The following IL1RAPL1 variants were observed in gnomAD, a reference collection of about 807,000 sequenced individuals.
IL1RAPL1 encodes the protein interleukin-1 receptor accessory protein-like 1.
A neutral mutation model predicts 48.4 loss-of-function variants in IL1RAPL1; 3 were observed. The observed-to-expected ratio is 0.06, with a 90% CI of 0.03 to 0.16. The LOEUF (loss-of-function observed/expected upper bound fraction) is 0.16, where lower values mean the gene tolerates loss of function less well. Among genes scored for constraint, IL1RAPL1 ranks in the 10% least tolerant of loss-of-function variants. The pLI is 1.00. For synonymous variants in IL1RAPL1, 185 were observed against 187.7 expected (o/e 0.99, Z 0.12); for missense variants, 349 against 530.6 (o/e 0.66, Z 3.36).
At chrX:28,648,590 C>T (rs772302864) in intron 1 of IL1RAPL1, among the ~76,000 whole-genome samples, 6 of 111,618 alleles carry the variant, frequency 5.4e-5, no homozygotes, top group Middle Eastern at 4.7e-3. Context: ...AAGGCAAGGT[C>T]GGGATTTATT....
intron 6 of IL1RAPL1, among the ~76,000 whole-genome samples, chrX:29,728,743 AAAC>A (rs1250714029): frequency 1.8e-5 from 2 of 112,476 alleles, no homozygotes; most frequent in Non-Finnish European, 3.8e-5. Context: ...TAGTGACTTG[AAAC>A]AACATGTTAT....
intron 2 of IL1RAPL1, among the ~76,000 whole-genome samples, chrX:29,252,224 C>A (rs1373615168): frequency 9.0e-6 from 1 of 111,129 alleles, no homozygotes; most frequent in African/African-American, 3.4e-5. Flanking sequence ...ATGTAACTAA[C>A]CTGCACATTG....
At chrX:29,053,656 A>G (rs1209723479) in intron 2 of IL1RAPL1, among the ~76,000 whole-genome samples, 1 of 111,985 alleles carries the variant, frequency 8.9e-6, no homozygotes, top group African/African-American at 3.2e-5. Context: ...TCCTCTGTCC[A>G]GAATGGTATT....
At chrX:28,964,404 A>G (rs745753053) in intron 2 of IL1RAPL1, among the ~76,000 whole-genome samples, 7 of 111,677 alleles carry the variant, frequency 6.3e-5, no homozygotes, top group Non-Finnish European at 1.3e-4. Flanking sequence ...CATACGATGG[A>G]TATATTTTCC....
intron 2 of IL1RAPL1, among the ~76,000 whole-genome samples, chrX:29,104,064 G>A (rs974175818): frequency 9.0e-6 from 1 of 111,619 alleles, no homozygotes; most frequent in African/African-American, 3.3e-5. Flanking sequence ...ATAGTTTTGT[G>A]GTTCCTCGAA....
At chrX:29,502,573 T>G (rs1420554763) in intron 5 of IL1RAPL1, among the ~76,000 whole-genome samples, 1 of 111,851 alleles carries the variant, frequency 8.9e-6, no homozygotes, top group Non-Finnish European at 1.9e-5. Flanking sequence ...TCTATTGAAA[T>G]GATCATGTGG....
At chrX:29,722,880 C>T (rs1217521626) in intron 6 of IL1RAPL1, among the ~76,000 whole-genome samples, 2 of 112,277 alleles carry the variant, frequency 1.8e-5, no homozygotes, top group South Asian at 3.6e-4. Flanking sequence ...TATGCTTTCT[C>T]TATTTTTCGA....
intron 6 of IL1RAPL1, among the ~76,000 whole-genome samples, chrX:29,786,574 T>C (rs1929505427): frequency 8.9e-6 from 1 of 111,880 alleles, no homozygotes. Context: ...AGTTGCATTA[T>C]TTATCTGTGC....
intron 1 of IL1RAPL1, among the ~76,000 whole-genome samples, chrX:28,700,775 T>G (rs147959643): frequency 0.019 from 2,062 of 110,860 alleles, 46 homozygotes; most frequent in African/African-American, 0.064. Flanking sequence ...CATTGTTCAG[T>G]TCCCACTTAC....
chrX:29,406,455 A>G (rs1159982402), intron 5 of IL1RAPL1, among the ~76,000 whole-genome samples: 1 of 110,985 alleles, frequency 9.0e-6, no homozygotes, highest in African/African-American at 3.3e-5. Context: ...CTCTTCTTAT[A>G]TTACCCATCT....
intron 2 of IL1RAPL1, among the ~76,000 whole-genome samples, chrX:28,973,546 A>G (rs1003974013): frequency 2.1e-4 from 23 of 111,924 alleles, no homozygotes; most frequent in African/African-American, 7.5e-4. Flanking sequence ...CTTAGGTAGG[A>G]TAGATATGTT....
At chrX:28,915,681 C>G (rs1225464718) in intron 2 of IL1RAPL1, among the ~76,000 whole-genome samples, 1 of 110,911 alleles carries the variant, frequency 9.0e-6, no homozygotes, top group African/African-American at 3.3e-5. Context: ...TTTTTTTACA[C>G]CATGCTTCTC....
intron 6 of IL1RAPL1, among the ~76,000 whole-genome samples, chrX:29,775,327 T>C (rs927243588): frequency 1.6e-4 from 18 of 111,175 alleles, no homozygotes; most frequent in African/African-American, 5.9e-4. Flanking sequence ...AAACAAAAGA[T>C]GGGAGATGGG....
chrX:29,732,924 T>G (rs548998494), intron 6 of IL1RAPL1, among the ~76,000 whole-genome samples: 13 of 111,932 alleles, frequency 1.2e-4, no homozygotes, highest in African/African-American at 4.2e-4. Context: ...TCTGGCTATA[T>G]TTTTACAAGC....
rs753793643 is a variant in IL1RAPL1, at chrX:29,409,896, C to T, written c.703+10588C>T. ...GGAGTACAATGGCACGATATCGGCT[C>T]ACCACAACCTCCGCCTCCCAGGTTC... On this transcript the variant is annotated intron_variant, in intron 5 of 10. Transcript: ENST00000378993. Among the ~76,000 whole-genome samples, 7 of 102,362 alleles carry T rather than the reference C, an allele frequency of 6.8e-5. No individual in the cohort carries two copies. The East Asian group carries it at 2.2e-3, about 32-fold the overall frequency. The allele number at this position is 102,362 out of a possible 115,157, so 88.9% of individuals were successfully genotyped here. A position where few individuals can be genotyped will look rare whatever the true frequency, so the allele number is the denominator to read the frequency against.
intron 2 of IL1RAPL1, among the ~76,000 whole-genome samples, chrX:28,878,732 A>G (rs1922435101): frequency 9.0e-6 from 1 of 111,298 alleles, no homozygotes; most frequent in Non-Finnish European, 1.9e-5. Context: ...TTTAACCATC[A>G]TTGTTTTTCA....
At chrX:29,310,126 AAAAGAAAGGAAAAAAAAAAAAAC>A (rs1569282297) in intron 3 of IL1RAPL1, among the ~76,000 whole-genome samples, 3 of 83,873 alleles carry the variant, frequency 3.6e-5, no homozygotes, top group East Asian at 3.5e-4. Context: ...AAAAAAAAAA[AAAAGAAAGGAAAAAAAAAAAAAC>A]AAAAAAAGGG....
intron 2 of IL1RAPL1, among the ~76,000 whole-genome samples, chrX:28,908,271 G>T (rs1288423798): frequency 4.5e-5 from 5 of 110,103 alleles, no homozygotes; most frequent in African/African-American, 1.6e-4. Context: ...TTTTTTCTCT[G>T]GTTTCCTAGG....
intron 2 of IL1RAPL1, among the ~76,000 whole-genome samples, chrX:29,178,421 G>A (rs1023663385): frequency 6.3e-5 from 7 of 111,890 alleles, no homozygotes; most frequent in Non-Finnish European, 1.1e-4. Context: ...CATATCCTTC[G>A]CCCACTTTTG....
Sources: allele counts gnomAD v4.1 joint callset (sites outside exome capture counted in the v4.1 genomes callset), GRCh38; gene constraint gnomAD v4.1.1; transcripts MANE v1.5; gene names NCBI Gene and HGNC (gene_info 2026-07-23, HGNC 2026-07-21).